The following RAP1GAP2 variants were observed in gnomAD, a reference collection of about 807,000 sequenced individuals.
The protein encoded by RAP1GAP2 is RAP1 GTPase activating protein 2, also known as rap1 GTPase-activating protein 2.
RAP1GAP2 carries 27 observed loss-of-function variants against 95.0 expected under a neutral mutation model. That is an observed-to-expected ratio of 0.28 (90% CI 0.21 to 0.39). RAP1GAP2 has a LOEUF of 0.39. RAP1GAP2 is among the 10% of genes least tolerant of loss of function. The probability of loss-of-function intolerance (pLI) is 1.00; values close to 1 mark genes in which losing one functional copy is unlikely to be tolerated. For synonymous variants in RAP1GAP2, 373 were observed against 380.9 expected, an observed-to-expected ratio of 0.98 and a Z score of 0.24; for missense variants, 771 against 970.0, an observed-to-expected ratio of 0.79 and a Z score of 2.72.
intron 1 of RAP1GAP2, among the ~76,000 whole-genome samples, chr17:2,785,506 T>TA (rs1221171747): frequency 6.6e-6 from 1 of 152,036 alleles, no homozygotes; most frequent in Admixed American, 6.6e-5. Context: ...TGACCTAAAC[T>TA]ACTTTTGTTA....
chr17:2,867,097 C>T lies in RAP1GAP2; in HGVS notation c.81-38187C>T, dbSNP rs540632007. ...TGTATTTGTAGTAGAGACGGGGTTT[C>T]ACCATGTTGGCCAGGCTGGTCTCGA... On this transcript the variant is annotated intron_variant, in intron 2 of 24. Transcript: ENST00000254695. This position sits in a 1 kb window ranked among gnomAD's most constrained non-coding sequence, Gnocchi z 4.5. Among the ~76,000 whole-genome samples the T allele has an allele frequency of 2.0e-5, 3 of 151,880 alleles. No individual in the cohort carries two copies. The highest frequency in any genetic ancestry group is 7.2e-5 in the African/African-American group (3 of 41,380).
At chr17:2,916,425 C>G (rs1411000977) in intron 3 of RAP1GAP2, among the ~76,000 whole-genome samples, 1 of 152,184 alleles carries the variant, frequency 6.6e-6, no homozygotes, top group East Asian at 1.9e-4. Context: ...TGAGATAAAT[C>G]ACTTCTGGCA....
chr17:2,971,936 TGAG>T (rs1567841343), intron 8 of RAP1GAP2, among the ~76,000 whole-genome samples: 1 of 152,158 alleles, frequency 6.6e-6, no homozygotes, highest in East Asian at 1.9e-4. Context: ...CGAATATAGA[TGAG>T]AAGAGAAAAT....
upstream of RAP1GAP2, among the ~76,000 whole-genome samples, chr17:2,792,752 C>G (rs1025542067): frequency 2.6e-5 from 4 of 152,232 alleles, no homozygotes; most frequent in African/African-American, 7.2e-5. Context: ...GGGCACACCC[C>G]CCGGTGGGGG....
intron 2 of RAP1GAP2, among the ~76,000 whole-genome samples, chr17:2,817,667 C>T (rs2070081956): frequency 8.6e-6 from 1 of 116,420 alleles, no homozygotes; most frequent in African/African-American, 2.9e-5. Flanking sequence ...ATCACAGGCG[C>T]CTGCCACCAC....
rs973542670 is a variant in RAP1GAP2, at chr17:2,873,952, CGG to C, written c.81-31331_81-31330del. Among the ~76,000 whole-genome samples the C allele has an allele frequency of 2.9e-3, 424 of 147,120 alleles. 2 individuals are homozygous for C. Among genetic ancestry groups the C allele is most frequent in the African/African-American group, 1.0e-2 (401 of 40,284 alleles). On this transcript the variant is annotated intron_variant, in intron 2 of 24. Transcript: ENST00000254695. ...TAATTCTGTATTTTTGGTAGAGACG[CGG>C]TGGGGGGGGGCGGGTTTCACCATGT...
At chr17:2,878,857 A>G (rs917787017) in intron 2 of RAP1GAP2, among the ~76,000 whole-genome samples, 1 of 152,218 alleles carries the variant, frequency 6.6e-6, no homozygotes, top group Non-Finnish European at 1.5e-5. Context: ...GAGCACGCGC[A>G]AGGTGCTGCA....
intron 3 of RAP1GAP2, among the ~76,000 whole-genome samples, chr17:2,935,028 A>C (rs1432892514): frequency 6.6e-6 from 1 of 152,182 alleles, no homozygotes; most frequent in Non-Finnish European, 1.5e-5. Flanking sequence ...TGCATCAACC[A>C]GCTGATTTAG....
chr17:2,816,591 G>T (rs1230652383), intron 2 of RAP1GAP2, among the ~76,000 whole-genome samples: 1 of 151,684 alleles, frequency 6.6e-6, no homozygotes, highest in Non-Finnish European at 1.5e-5. Flanking sequence ...CACCCACCTC[G>T]GCCTCCCAAA....
chr17:2,851,946 T>C (rs890569931), intron 2 of RAP1GAP2, among the ~76,000 whole-genome samples: 2 of 152,164 alleles, frequency 1.3e-5, no homozygotes, highest in East Asian at 1.9e-4. Context: ...AGGCCTTCCG[T>C]TGAGGTGCAG....
chr17:2,787,446 G>A (rs776210387), intron 1 of RAP1GAP2, among the ~76,000 whole-genome samples: 1 of 151,850 alleles, frequency 6.6e-6, no homozygotes, highest in Non-Finnish European at 1.5e-5. Context: ...TGTACAGATG[G>A]GGTCTTACTA....
chr17:2,802,660 G>A (rs767759716), intron 2 of RAP1GAP2, among the ~76,000 whole-genome samples: 12 of 152,100 alleles, frequency 7.9e-5, no homozygotes, highest in African/African-American at 2.7e-4. Context: ...GCAGTGAGGC[G>A]AGATCGCACC....
intron 3 of RAP1GAP2, among the ~76,000 whole-genome samples, chr17:2,919,166 G>T (rs2151761673): frequency 6.6e-6 from 1 of 152,260 alleles, no homozygotes; most frequent in Middle Eastern, 3.4e-3. Flanking sequence ...TCCAAACCCT[G>T]CCTGATAAAT....
At chr17:3,032,894 A>AG (rs958076063) in intron 24 of RAP1GAP2, among the ~76,000 whole-genome samples, 2 of 152,102 alleles carry the variant, frequency 1.3e-5, no homozygotes, top group Non-Finnish European at 2.9e-5. Flanking sequence ...CCACCCCAGG[A>AG]GGCCTCTTCC....
intron 1 of RAP1GAP2, among the ~76,000 whole-genome samples, chr17:2,786,193 G>A (rs2068769888): frequency 6.6e-6 from 1 of 152,108 alleles, no homozygotes; most frequent in Non-Finnish European, 1.5e-5. Flanking sequence ...GAGCCACCGC[G>A]CCCAGCCTGG....
rs1320321786 is a variant in RAP1GAP2 at position 2,796,699 on chromosome 17, C to T, written c.44+128C>T. On this transcript the variant is annotated intron_variant, in intron 1 of 24. Coordinates refer to ENST00000254695, the MANE Select transcript of RAP1GAP2 (RefSeq NM_015085.5). The surrounding 1 kb of genome is among the most constrained non-coding windows in gnomAD (Gnocchi z 4.7). ...GCCTGAGAGCTGGGTCTGCTGACGC[C>T]CTGGCAGGTCGAGATGCAGGATCCT... The T allele has an allele frequency of 1.9e-6, 2 of 1,074,822 alleles. No individual in the cohort carries two copies. The highest frequency in any genetic ancestry group is 4.1e-5 in the Admixed American group (2 of 48,760). 66.6% of individuals were successfully genotyped at this position (1,074,822 alleles called of 1,614,324 possible).
At chr17:2,935,830 C>G (rs2043290458) in intron 3 of RAP1GAP2, among the ~76,000 whole-genome samples, 1 of 152,160 alleles carries the variant, frequency 6.6e-6, no homozygotes. Flanking sequence ...GTCTGACGCT[C>G]AGTCCCATGC....
intron 2 of RAP1GAP2, among the ~76,000 whole-genome samples, chr17:2,833,689 C>CAAAAAAAA (rs112909808): frequency 1.7e-4 from 9 of 53,660 alleles, no homozygotes; most frequent in East Asian, 6.5e-4. Context: ...GACTCCGTCT[C>CAAAAAAAA]AAAAAAAAAA....
At chr17:2,978,331 A>G (rs62091998) in intron 8 of RAP1GAP2, among the ~76,000 whole-genome samples, 41,188 of 151,832 alleles carry the variant, frequency 0.27, 5,955 homozygotes, top group South Asian at 0.49. Flanking sequence ...TATGATAAGG[A>G]TGAGGGTGGC....
Sources: gnomAD v4.1 joint callset for allele counts (sites outside exome capture counted in the v4.1 genomes callset) on GRCh38, gnomAD v4.1.1 for gene constraint, Gnocchi (gnomAD v3.1) non-coding constraint, MANE v1.5 for transcripts, NCBI Gene and HGNC (gene_info 2026-07-23, HGNC 2026-07-21) for gene names.